NAV1: variants seen among roughly 807,000 people sequenced by gnomAD.
The protein encoded by NAV1 is pore membrane and/or filament interacting like protein 3.
Under a neutral mutation model 175.2 loss-of-function variants are expected in NAV1, and 18 were observed. The observed-to-expected ratio is 0.10, with a 90% CI of 0.07 to 0.15. The LOEUF is 0.15. Ranked by LOEUF, NAV1 falls within the 10% of genes least tolerant of loss-of-function variation. The probability of loss-of-function intolerance (pLI) is 1.00; values close to 1 mark genes in which losing one functional copy is unlikely to be tolerated. For missense variants in NAV1, 1,731 were observed against 2,436.6 expected (o/e 0.71, Z 6.10); for synonymous variants, 897 against 978.7 (o/e 0.92, Z 1.56).
intron 3 of NAV1, among the ~76,000 whole-genome samples, chr1:201,774,686 A>C (rs1675822745): frequency 6.6e-6 from 1 of 152,240 alleles, no homozygotes; most frequent in South Asian, 2.1e-4. Flanking sequence ...GGAACTCCAA[A>C]GCTAATGTCT....
chr1:201,770,498 A>G (rs886224965), intron 3 of NAV1, among the ~76,000 whole-genome samples: 1 of 151,906 alleles, frequency 6.6e-6, no homozygotes, highest in Admixed American at 6.5e-5. Flanking sequence ...TCTCATCTTA[A>G]CAACAAGGCT....
At chr1:201,707,283 C>T (rs574103231) in intron 1 of NAV1, among the ~76,000 whole-genome samples, 2 of 152,236 alleles carry the variant, frequency 1.3e-5, no homozygotes, top group African/African-American at 2.4e-5. Flanking sequence ...AGTGCCAGCC[C>T]GAGGGTGCAC....
At chr1:201,660,397 A>G (rs1669563810) in intron 1 of NAV1, among the ~76,000 whole-genome samples, 2 of 152,142 alleles carry the variant, frequency 1.3e-5, no homozygotes, top group Non-Finnish European at 2.9e-5. Context: ...GCCACCATCA[A>G]GGGACCCACT....
At chr1:201,797,534 G>A (rs538997700) in intron 15 of NAV1, 14 of 152,228 alleles carry the variant, frequency 9.2e-5, no homozygotes, top group Admixed American at 5.2e-4. Context: ...TTCAGGATTC[G>A]TTTGTTAATC....
rs944415601 is a variant in NAV1 at position 201,740,269 on chromosome 1, G to A, written c.1226+21514G>A. ...GCCAGAGAGGAGTGCCTGCGCCGCCGGAGCCTCCGAGCTCCTGGACGTTTG... is the reference window on the plus strand; with the variant it reads ...GCCAGAGAGGAGTGCCTGCGCCGCCAGAGCCTCCGAGCTCCTGGACGTTTG... On this transcript the variant is annotated intron_variant, in intron 3 of 29. Coordinates refer to ENST00000367296, the Ensembl canonical transcript of NAV1. The surrounding 1 kb of genome is among the most constrained non-coding windows in gnomAD (Gnocchi z 4.7). Among the ~76,000 whole-genome samples the A allele has an allele frequency of 5.9e-5, 9 of 152,260 alleles. No individual in the cohort carries two copies. Among genetic ancestry groups the A allele is most frequent in the African/African-American group, 2.2e-4 (9 of 41,478 alleles).
intron 2 of NAV1, among the ~76,000 whole-genome samples, chr1:201,639,307 G>A (rs1282518775): frequency 6.6e-6 from 1 of 152,200 alleles, no homozygotes; most frequent in Non-Finnish European, 1.5e-5. Context: ...GTCCTTTCCT[G>A]GGAAGCCAGC....
chr1:201,780,361 A>G (rs1676237917), intron 3 of NAV1, 60 bp from the exon 8 acceptor site: 1 of 1,603,062 alleles, frequency 6.2e-7, no homozygotes, highest in Admixed American at 1.7e-5. Context: ...AATGTGAAAC[A>G]TTTATTTTTT....
At chr1:201,809,079 T>A in intron 20 of NAV1, 85 bp from the exon 25 acceptor site, 1 of 1,421,340 alleles carries the variant, frequency 7.0e-7, no homozygotes, top group Non-Finnish European at 9.9e-7. Flanking sequence ...GCAAACAGAG[T>A]TATTTTGGAA....
chr1:201,786,504 T>C, exon 9 of NAV1: 1 of 1,614,084 alleles, frequency 6.2e-7, no homozygotes, highest in Non-Finnish European at 8.5e-7. Context: ...CTGAATCCGA[T>C]GACCAGTCAG....
In NAV1 at chr1:201,703,862, G is replaced by A. The variant is rs867300764; in HGVS notation, c.758-8955G>A. Among the ~76,000 whole-genome samples, 36 of 152,260 alleles carry A rather than the reference G, an allele frequency of 2.4e-4. 1 individual carries two copies. The Middle Eastern group carries it at 0.01, about 43-fold the overall frequency. ...AGCCTGGGTGTGGTGGAGGGGGTGGGGTGACTGTCCTCCCAGCTCATCAGG... is the reference window on the plus strand; with the variant it reads ...AGCCTGGGTGTGGTGGAGGGGGTGGAGTGACTGTCCTCCCAGCTCATCAGG... On this transcript the variant is annotated intron_variant, in intron 1 of 29. Transcript: ENST00000367296.
At chr1:201,802,375 C>A in intron 15 of NAV1, among the ~76,000 whole-genome samples, 1 of 133,666 alleles carries the variant, frequency 7.5e-6, no homozygotes, top group East Asian at 2.4e-4. Flanking sequence ...AATCCCAGCA[C>A]TTTGGGAAGC....
chr1:201,545,880 G>A (rs1336374633), intron 1 of NAV1, among the ~76,000 whole-genome samples: 1 of 152,152 alleles, frequency 6.6e-6, no homozygotes, highest in African/African-American at 2.4e-5. Flanking sequence ...TCTGGTTTTG[G>A]TGTTATCTAA....
intron 1 of NAV1, among the ~76,000 whole-genome samples, chr1:201,672,478 G>C (rs1371326235): frequency 6.6e-6 from 1 of 152,126 alleles, no homozygotes; most frequent in African/African-American, 2.4e-5. Context: ...CAATTTCTTT[G>C]TGCCAGGCCC....
In NAV1 at chr1:201,734,148, C is replaced by T. The variant is rs1672988139; in HGVS notation, c.1226+15393C>T. ...ATTGGCCAGGTGTGATGGCTCACAC[C>T]TCTCATCCTAGCCCTTTGGAAGGCT... On this transcript the variant is annotated intron_variant, in intron 3 of 29. Coordinates refer to ENST00000367296, the Ensembl canonical transcript of NAV1. Among the ~76,000 whole-genome samples, 5 of 152,088 alleles carry T rather than the reference C, an allele frequency of 3.3e-5. No homozygotes were observed. In the East Asian group the frequency reaches 9.7e-4, roughly 29 times the overall value.
At chr1:201,781,456 C>T (rs900795871) in intron 5 of NAV1, 147 bp downstream of exon 9, 11 of 779,238 alleles carry the variant, frequency 1.4e-5, no homozygotes, top group East Asian at 1.1e-4. Flanking sequence ...AGGACAGTCC[C>T]GTGAGTTAGG....
upstream of NAV1, among the ~76,000 whole-genome samples, chr1:201,620,973 T>C (rs1220408082): frequency 6.6e-6 from 1 of 152,130 alleles, no homozygotes; most frequent in Non-Finnish European, 1.5e-5. Context: ...TAGGCTAGAG[T>C]ACAGTGGCAT....
At chr1:201,719,683 C>T (rs1558095635) in intron 3 of NAV1, 1 of 153,810 alleles carries the variant, frequency 6.5e-6, no homozygotes, top group Non-Finnish European at 1.5e-5. Context: ...CTCTGGAGCA[C>T]CTCTTAGCCT....
intron 2 of NAV1, among the ~76,000 whole-genome samples, chr1:201,638,496 C>T (rs1382895730): frequency 6.6e-6 from 1 of 152,222 alleles, no homozygotes; most frequent in Admixed American, 6.5e-5. Flanking sequence ...GGCCCTCCTT[C>T]CCATTCTTCA....
chr1:201,651,281 G>A (rs1316683324), intron 1 of NAV1, among the ~76,000 whole-genome samples: 1 of 152,024 alleles, frequency 6.6e-6, no homozygotes, highest in East Asian at 1.9e-4. Context: ...TAGCTGGTCT[G>A]GGTCCTCTCC....
Sources: gnomAD v4.1 joint callset for allele counts (sites outside exome capture counted in the v4.1 genomes callset) on GRCh38, gnomAD v4.1.1 for gene constraint, Gnocchi (gnomAD v3.1) non-coding constraint, MANE v1.5 for transcripts, NCBI Gene and HGNC (gene_info 2026-07-23, HGNC 2026-07-21) for gene names.